The following ARHGEF33 variants were observed in gnomAD, a reference collection of about 807,000 sequenced individuals.
ARHGEF33 encodes DH and coiled-coil domain-containing protein ENSP00000381780.
In ARHGEF33, 72 loss-of-function variants were observed where a neutral mutation model predicts 101.9. The observed-to-expected ratio is 0.71, with a 90% CI of 0.58 to 0.86. The LOEUF is 0.86. Among genes scored for constraint, ARHGEF33 ranks in the 40% least tolerant of loss-of-function variants. The pLI is 0.00. For synonymous variants in ARHGEF33, 499 were observed against 442.5 expected, an observed-to-expected ratio of 1.13 and a Z score of -1.60; for missense variants, 1,169 against 1,111.3, an observed-to-expected ratio of 1.05 and a Z score of -0.74.
At chr2:38,968,682 C>T (rs1198523137) in intron 17 of ARHGEF33, among the ~76,000 whole-genome samples, 2 of 152,322 alleles carry the variant, frequency 1.3e-5, no homozygotes, top group Middle Eastern at 3.4e-3. Context: ...CATGTTGCCA[C>T]CACCAATACT....
chr2:38,917,828 C>CA lies in ARHGEF33; in HGVS notation c.-85-1516dup, dbSNP rs537310536. Among the ~76,000 whole-genome samples, 630 of 75,138 alleles carry CA rather than the reference C, an allele frequency of 8.4e-3. 2 individuals carry two copies. The highest frequency in any genetic ancestry group is 0.01 in the East Asian group (23 of 2,268). 49.3% of individuals were successfully genotyped at this position (75,138 alleles called of 152,430 possible). A position where few individuals can be genotyped will look rare whatever the true frequency, so the allele number is the denominator to read the frequency against. The stretch of plus-strand genomic sequence containing the variant: ...TGGGCAACAGAGCGAGACCTTGTCT[C>CA]AAAAAAAAAAAAAAAAAAAGTTTCC... On this transcript the variant is annotated intron_variant, in intron 2 of 17. Transcript: ENST00000409978.
At chr2:38,956,850 A>C (rs1667779453) in intron 13 of ARHGEF33, 49 bp from the exon 14 acceptor site, 2 of 1,542,996 alleles carry the variant, frequency 1.3e-6, no homozygotes, top group Non-Finnish European at 1.8e-6. Context: ...AGAAAAAACA[A>C]ATTTTCATGC....
intron 2 of ARHGEF33, among the ~76,000 whole-genome samples, chr2:38,916,177 T>C (rs1326491778): frequency 2.6e-5 from 4 of 152,222 alleles, no homozygotes; most frequent in Non-Finnish European, 5.9e-5. Flanking sequence ...TTTCAATTAG[T>C]TGTAGACTAA....
intron 2 of ARHGEF33, among the ~76,000 whole-genome samples, chr2:38,896,141 G>A (rs572722162): frequency 9.9e-5 from 15 of 152,078 alleles, no homozygotes; most frequent in East Asian, 1.9e-4. Context: ...TTGTTTGTTC[G>A]TTTTGTTTTG....
chr2:38,926,705 A>C (rs527614485), intron 4 of ARHGEF33, among the ~76,000 whole-genome samples: 1 of 152,256 alleles, frequency 6.6e-6, no homozygotes, highest in East Asian at 1.9e-4. Context: ...GCAGGGAGGA[A>C]GGTCCTTTTC....
intron 6 of ARHGEF33, among the ~76,000 whole-genome samples, chr2:38,930,536 G>A (rs1267514951): frequency 1.3e-5 from 2 of 151,742 alleles, no homozygotes; most frequent in Non-Finnish European, 2.9e-5. Flanking sequence ...TATAGAAATG[G>A]GTTTCCTTAT....
rs545306318 is a variant in ARHGEF33, at chr2:38,941,787, C to T, written c.791-2114C>T. The stretch of plus-strand genomic sequence containing the variant: ...GTCTCCAATTCCTGACCTCGTGATC[C>T]GCCCACCCCGGCCTCCCAAAGTGCT... On this transcript the variant is annotated intron_variant, in intron 9 of 17. Coordinates refer to ENST00000409978, the MANE Select transcript of ARHGEF33 (RefSeq NM_001145451.5). Among the ~76,000 whole-genome samples the T allele has an allele frequency of 9.2e-5, 14 of 152,136 alleles. No individual in the cohort carries two copies. The East Asian group carries it at 2.5e-3, about 27-fold the overall frequency.
At chr2:38,954,632 CCT>C (rs1491221563) in intron 13 of ARHGEF33, among the ~76,000 whole-genome samples, 176 bp downstream of exon 13, 1 of 108,664 alleles carries the variant, frequency 9.2e-6, no homozygotes, top group Admixed American at 1.3e-4. Context: ...TGAGCTAAAA[CCT>C]TTTTTTTTTT....
chr2:38,945,596 A>G (rs1170116468), intron 10 of ARHGEF33, among the ~76,000 whole-genome samples: 1 of 152,232 alleles, frequency 6.6e-6, no homozygotes, highest in Non-Finnish European at 1.5e-5. Flanking sequence ...TATGGGCTCC[A>G]GCTGTCTTGC....
At chr2:38,932,286 G>A (rs1311195579) in intron 7 of ARHGEF33, among the ~76,000 whole-genome samples, 1 of 151,988 alleles carries the variant, frequency 6.6e-6, no homozygotes, top group Non-Finnish European at 1.5e-5. Flanking sequence ...CACCATGCAC[G>A]GCTAATTTTT....
chr2:38,942,718 C>T (rs1667345442), intron 9 of ARHGEF33, among the ~76,000 whole-genome samples: 1 of 151,942 alleles, frequency 6.6e-6, no homozygotes, highest in South Asian at 2.1e-4. Flanking sequence ...TCAGGGTCCC[C>T]CCTCCTTATA....
intron 17 of ARHGEF33, among the ~76,000 whole-genome samples, chr2:38,969,997 GA>G (rs2124433293): frequency 6.6e-6 from 1 of 152,340 alleles, no homozygotes; most frequent in South Asian, 2.1e-4. Context: ...CTTGATGGCA[GA>G]TGTGGCAGTG....
chr2:38,968,286 G>GA (rs970408498), intron 17 of ARHGEF33, among the ~76,000 whole-genome samples: 1 of 152,208 alleles, frequency 6.6e-6, no homozygotes, highest in African/African-American at 2.4e-5. Flanking sequence ...GGGATGCTAT[G>GA]AAAGTGGTGC....
chr2:38,956,309 T>C (rs924373680), intron 13 of ARHGEF33, among the ~76,000 whole-genome samples: 1 of 152,218 alleles, frequency 6.6e-6, no homozygotes, highest in Non-Finnish European at 1.5e-5. Context: ...TTTCCTTACT[T>C]GTTAAATGGA....
chr2:38,905,332 A>G (rs1174340673), intron 2 of ARHGEF33, among the ~76,000 whole-genome samples: 2 of 152,218 alleles, frequency 1.3e-5, no homozygotes, highest in African/African-American at 4.8e-5. Context: ...ATTTGTTTGG[A>G]TTAAACAAAA....
intron 2 of ARHGEF33, among the ~76,000 whole-genome samples, chr2:38,914,457 C>T (rs1413042923): frequency 6.6e-6 from 1 of 152,124 alleles, no homozygotes; most frequent in Non-Finnish European, 1.5e-5. Flanking sequence ...CACCTGAAGT[C>T]AGGAGTTCAA....
At chr2:38,922,531 C>T (rs917551593) in intron 4 of ARHGEF33, among the ~76,000 whole-genome samples, 2 of 152,110 alleles carry the variant, frequency 1.3e-5, no homozygotes, top group African/African-American at 4.8e-5. Flanking sequence ...ATTATTTAAC[C>T]ATATTGTCCC....
At chr2:38,898,121 A>C (rs973988289) in intron 2 of ARHGEF33, among the ~76,000 whole-genome samples, 1 of 152,200 alleles carries the variant, frequency 6.6e-6, no homozygotes, top group African/African-American at 2.4e-5. Context: ...GAGAATAGTA[A>C]TTTGGATGAT....
chr2:38,940,712 T>C (rs890268627), intron 9 of ARHGEF33, among the ~76,000 whole-genome samples: 11 of 152,212 alleles, frequency 7.2e-5, no homozygotes, highest in Non-Finnish European at 1.5e-4. Flanking sequence ...GTGGAGCTGA[T>C]TTACTGCAAC....
Sources: allele counts gnomAD v4.1 joint callset (sites outside exome capture counted in the v4.1 genomes callset), GRCh38; gene constraint gnomAD v4.1.1; transcripts MANE v1.5; gene names NCBI Gene and HGNC (gene_info 2026-07-23, HGNC 2026-07-21).